ZP4: variants seen among roughly 807,000 people sequenced by gnomAD.
The protein encoded by ZP4 is zona pellucida glycoprotein 4.
A neutral mutation model predicts 62.3 loss-of-function variants in ZP4; 62 were observed. That is an observed-to-expected ratio of 0.99 (90% CI 0.81 to 1.23). The LOEUF is 1.23. Among genes scored for constraint, ZP4 ranks in the 50% most tolerant of loss-of-function variants. ZP4 has a pLI of 0.00. For synonymous variants in ZP4, 289 were observed against 247.3 expected (o/e 1.17, Z -1.58); for missense variants, 774 against 656.0 (o/e 1.18, Z -1.97).
chr1:237,885,297 G>A lies in ZP4; in HGVS notation c.1179C>T (p.Asp393=). ...ILVKGCPYIG[D]NYQTQLIPVQ... is the part of the protein sequence containing the mutation. Reference sequence around the variant, plus strand: ...CAGGGATCAGCTGGGTCTGATAGTTGTCTCCAATGTAGGGGCAGCTAGACC... The same window carrying A: ...CAGGGATCAGCTGGGTCTGATAGTTATCTCCAATGTAGGGGCAGCTAGACC... Residue 393 remains aspartate, a synonymous_variant, in exon 9 of 12, where the codon GAC becomes GAT. Coordinates refer to ENST00000366570, the MANE Select transcript of ZP4 (RefSeq NM_021186.5). The A allele has an allele frequency of 6.2e-7, 1 of 1,614,092 alleles. No homozygotes were observed. The highest frequency in any genetic ancestry group is 8.5e-7 in the Non-Finnish European group (1 of 1,180,002).
intron 3 of ZP4, among the ~76,000 whole-genome samples, chr1:237,889,281 C>A (rs546328832): frequency 6.6e-6 from 1 of 151,922 alleles, no homozygotes; most frequent in East Asian, 1.9e-4. Context: ...AGTGATAGGC[C>A]CTTGGGAAAA....
intron 3 of ZP4, 75 bp from the exon 4 acceptor site, chr1:237,888,585 T>A: frequency 6.9e-7 from 1 of 1,452,308 alleles, no homozygotes; most frequent in Non-Finnish European, 9.3e-7. Context: ...ATACAAGTCA[T>A]TGACTTTGGA....
Position 237,888,487 on chromosome 1 carries a change from A to G in ZP4, c.424T>C (p.Trp142Arg), listed in dbSNP as rs1467233616. Residue 142 changes from tryptophan to arginine, a missense_variant, in exon 4 of 12, where the codon TGG becomes CGG. Physicochemically the swap from Trp to Arg is moderately radical, Grantham distance 101 (BLOSUM62 -3). Coordinates refer to ENST00000366570, the MANE Select transcript of ZP4 (RefSeq NM_021186.5). ...TCCCGTGCTGGGATGGAGTCACACCAGTCAGTATCTGGAGCATCTCGGGCT... is the reference window on the plus strand; with the variant it reads ...TCCCGTGCTGGGATGGAGTCACACCGGTCAGTATCTGGAGCATCTCGGGCT... ...LLARDAPDTD[W>R]CDSIPARDRL... The G allele has an allele frequency of 6.2e-7, 1 of 1,607,252 alleles. No individual in the cohort carries two copies. The highest frequency in any genetic ancestry group is 8.5e-7 in the Non-Finnish European group (1 of 1,175,024).
chr1:237,887,697 A>AGATC, intron 4 of ZP4, 136 bp from the exon 5 acceptor site: 2 of 843,084 alleles, frequency 2.4e-6, no homozygotes, highest in Non-Finnish European at 3.6e-6. Flanking sequence ...CCTCAGTGCA[A>AGATC]GATCAACCAA....
At chr1:237,886,904 G>A (rs759214131) in intron 5 of ZP4, 36 bp from the exon 6 acceptor site, 2 of 1,575,528 alleles carry the variant, frequency 1.3e-6, no homozygotes, top group South Asian at 1.1e-5. Flanking sequence ...GATCATTTCT[G>A]TTAGTGTTAT....
intron 7 of ZP4, 34 bp downstream of exon 7, chr1:237,885,722 T>G: frequency 1.2e-6 from 2 of 1,612,284 alleles, no homozygotes; most frequent in East Asian, 2.2e-5. Context: ...GGATTTAGAC[T>G]ATAGGCCAGA....
At chr1:237,884,325 T>C (rs1413861849) in intron 10 of ZP4, among the ~76,000 whole-genome samples, 1 of 152,188 alleles carries the variant, frequency 6.6e-6, no homozygotes, top group East Asian at 1.9e-4. Context: ...GTAGAACCCA[T>C]GTAGACATAC....
chr1:237,890,071 C>T lies in ZP4; in HGVS notation c.281G>A (p.Cys94Tyr). Reference protein sequence around the residue: ...SVVLEATYSSCYVTEWDSHYI... With the variant: ...SVVLEATYSSYYVTEWDSHYI... ...CATACTCACCCACTCAGTGACATAG[C>T]AGCTGCTATAGGTTGCCTCCAACAC... The change falls in exon 2 of 12, where the codon TGC (cysteine) becomes TAC (tyrosine). Residue 94 changes from cysteine (C) to tyrosine (Y), a missense_variant. By Grantham distance (194) the Cys-to-Tyr change is radical (BLOSUM62 -2). Transcript: ENST00000366570. 1 of 1,614,174 alleles carries T rather than the reference C, an allele frequency of 6.2e-7. No homozygotes were observed. The highest frequency in any genetic ancestry group is 1.3e-5 in the African/African-American group (1 of 75,034).
chr1:237,888,407 G>T lies in ZP4; in HGVS notation c.504C>A (p.Gly168=). 6.2e-7 allele frequency: 1 copy of T among 1,610,758 alleles called. No homozygotes were observed. The highest frequency in any genetic ancestry group is 2.2e-5 in the East Asian group (1 of 44,780). Residue 168 remains glycine (G), a synonymous_variant, in exon 4 of 12, where the codon GGC becomes GGA. Transcript: ENST00000366570. ...TCACCTCTTCAGAGCTATAACAACA[G>T]CCTAGCCCTTCACAGTCTCCTCGAG... ...PISRGDCEGL[G]CCYSSEEVNS...
At chr1:237,883,277 T>G (rs776237239) in intron 10 of ZP4, among the ~76,000 whole-genome samples, 1 of 151,996 alleles carries the variant, frequency 6.6e-6, no homozygotes, top group Non-Finnish European at 1.5e-5. Flanking sequence ...GTTTTCTGTA[T>G]CCTATGTTTT....
chr1:237,884,986 G>A (rs546203250), intron 9 of ZP4, 139 bp from the exon 10 acceptor site: 543 of 1,200,162 alleles, frequency 4.5e-4, no homozygotes, highest in Admixed American at 6.0e-4. Flanking sequence ...ATGGCACTAA[G>A]GAACTGGAGT....
In ZP4 at chr1:237,883,288, A is replaced by G. The variant is rs981590169; in HGVS notation, c.1391-442T>C. ...TTACGTTTTCTGTATCCTATGTTTT[A>G]TTAAGAAAGATGGCAAGATGGCAAA... On this transcript the variant is annotated intron_variant, in intron 10 of 11. Coordinates refer to ENST00000366570, the MANE Select transcript of ZP4 (RefSeq NM_021186.5). Among the ~76,000 whole-genome samples the G allele has an allele frequency of 2.0e-5, 3 of 152,062 alleles. No individual in the cohort carries two copies. In the South Asian group the frequency reaches 6.2e-4, roughly 32 times the overall value.
At chr1:237,884,662 TAGTA>T in intron 10 of ZP4, 103 bp downstream of exon 10, 1 of 1,018,944 alleles carries the variant, frequency 9.8e-7, no homozygotes, top group African/African-American at 1.6e-5. Flanking sequence ...AGAGAAGCCT[TAGTA>T]AGATGAATCT....
intron 10 of ZP4, among the ~76,000 whole-genome samples, chr1:237,883,956 TCACACACACAAACA>T (rs1259861526): frequency 0.015 from 1,929 of 124,848 alleles, 78 homozygotes; most frequent in South Asian, 0.046. Flanking sequence ...CAAGAACTGG[TCACACACACAAACA>T]CACACACACA....
At chr1:237,887,307 TC>T in intron 5 of ZP4, 66 bp downstream of exon 5, 1 of 1,549,636 alleles carries the variant, frequency 6.5e-7, no homozygotes, top group Non-Finnish European at 8.8e-7. Context: ...ATTTCAGCTC[TC>T]CCCCACTAGT....
rs1054498174 is a variant in ZP4, at chr1:237,883,581, G to A, written c.1391-735C>T. On this transcript the variant is annotated intron_variant, in intron 10 of 11. Coordinates refer to ENST00000366570, the MANE Select transcript of ZP4 (RefSeq NM_021186.5). ...AATACAAAATGAGCTGGACTTTGTG[G>A]CACATGCCTGTAATCCCAGCTACTC... Among the ~76,000 whole-genome samples, 75 of 143,596 alleles carry A rather than the reference G, an allele frequency of 5.2e-4. 2 individuals are homozygous for A. Among genetic ancestry groups the A allele is most frequent in the Non-Finnish European group, 8.0e-4 (53 of 65,996 alleles). 94.2% of individuals were successfully genotyped at this position (143,596 alleles called of 152,430 possible).
At chr1:237,885,111 G>T (rs568918206) in intron 9 of ZP4, 54 bp downstream of exon 9, 8 of 1,588,408 alleles carry the variant, frequency 5.0e-6, no homozygotes, top group East Asian at 2.2e-5. Context: ...GGAAACAGTT[G>T]TAAGTTGGGG....
At chr1:237,883,987 C>CACAA (rs1488751375) in intron 10 of ZP4, among the ~76,000 whole-genome samples, 133 of 36,338 alleles carry the variant, frequency 3.7e-3, no homozygotes, top group Admixed American at 0.013. Flanking sequence ...CACACAAACA[C>CACAA]ACACACACAC....
At chr1:237,886,169 T>C (rs1317634280) in intron 6 of ZP4, among the ~76,000 whole-genome samples, 4 of 152,094 alleles carry the variant, frequency 2.6e-5, no homozygotes, top group African/African-American at 4.8e-5. Context: ...ACCCTTGATA[T>C]GAAGGTGAAA....
Sources: gnomAD v4.1 joint callset for allele counts (sites outside exome capture counted in the v4.1 genomes callset) on GRCh38, gnomAD v4.1.1 for gene constraint, MANE v1.5 for transcripts, NCBI Gene and HGNC (gene_info 2026-07-23, HGNC 2026-07-21) for gene names.